The following TMPO variants were observed in gnomAD, a reference collection of about 807,000 sequenced individuals.
TMPO encodes thymopoietin, also known as LEM domain containing 4.
A neutral mutation model predicts 45.4 loss-of-function variants in TMPO; 22 were observed. The ratio of observed to expected loss-of-function variants is 0.48; its 90% CI spans 0.35 to 0.69. The LOEUF is 0.69. Ranked by LOEUF, TMPO falls within the 30% of genes least tolerant of loss-of-function variation. The probability of loss-of-function intolerance (pLI) is 0.01; values close to 1 mark genes in which losing one functional copy is unlikely to be tolerated. For synonymous variants in TMPO, 241 were observed against 204.1 expected (o/e 1.18, Z -1.54); for missense variants, 512 against 548.8 (o/e 0.93, Z 0.67).
chr12:98,540,347 G>C (rs1877838613), intron 4 of TMPO, among the ~76,000 whole-genome samples: 1 of 152,174 alleles, frequency 6.6e-6, no homozygotes, highest in South Asian at 2.1e-4. Flanking sequence ...TAGTGAGGCT[G>C]AGAAACTCTG....
rs767997382 is a variant in TMPO, at chr12:98,533,007, C to G, written c.565+1169C>G. 1.4e-5 allele frequency: 22 copies of G among 1,613,830 alleles called. No individual in the cohort carries two copies. Among genetic ancestry groups the G allele is most frequent in the Non-Finnish European group, 1.8e-5 (21 of 1,179,922 alleles). On this transcript the variant is annotated intron_variant, in intron 3 of 8. Transcript: ENST00000556029. The stretch of plus-strand genomic sequence containing the variant: ...AGAAAGTACATACTTCTAAGGGAGA[C>G]CTACCTAGGGAGCCTCTTGTTGCCA...
chr12:98,548,017 A>C lies in TMPO; in HGVS notation c.*159A>C, dbSNP rs1878330288. 7.4e-6 allele frequency: 6 copies of C among 807,154 alleles called. No homozygotes were observed. Among genetic ancestry groups the C allele is most frequent in the Non-Finnish European group, 1.1e-5 (6 of 527,990 alleles). The allele number at this position is 807,154 out of a possible 1,614,324, so 50.0% of individuals were successfully genotyped here. ...AAGCAAACAAAATATATATAAATGG[A>C]CTTCATTAAAATGTTTTTGAACTTT... On this transcript the variant is annotated 3_prime_UTR_variant, in exon 9 of 9. Coordinates refer to ENST00000556029, the MANE Select transcript of TMPO (RefSeq NM_001032283.3).
chr12:98,534,375 C>G (rs1452382431), intron 3 of TMPO: 2 of 1,606,374 alleles, frequency 1.2e-6, no homozygotes, highest in Admixed American at 3.3e-5. Flanking sequence ...TCTATCTTAT[C>G]TTTCAGGTAC....
At position 98,515,616 on chromosome 12, in the gene TMPO, T is replaced by G; in HGVS notation, c.-252T>G. Reference sequence around the variant, plus strand: ...AAGCAGGCTGCTCGCCTCCTGCCTGTAGTGTGTGGGCTGGGGTTGGTGCGA... The same window carrying G: ...AAGCAGGCTGCTCGCCTCCTGCCTGGAGTGTGTGGGCTGGGGTTGGTGCGA... On this transcript the variant is annotated 5_prime_UTR_variant, in exon 1 of 9. Transcript: ENST00000556029. 2 of 635,564 alleles carry G rather than the reference T, an allele frequency of 3.1e-6. No homozygotes were observed. Among genetic ancestry groups the G allele is most frequent in the East Asian group, 2.9e-5 (1 of 34,104 alleles). The allele number at this position is 635,564 out of a possible 1,614,324, so 39.4% of individuals were successfully genotyped here. A position where few individuals can be genotyped will look rare whatever the true frequency, so the allele number is the denominator to read the frequency against.
In TMPO at chr12:98,535,509, A is replaced by G. The variant is rs1427850765; in HGVS notation, c.566-1966A>G. 5.1e-6 allele frequency: 5 copies of G among 985,182 alleles called. No homozygotes were observed. The African/African-American group carries it at 8.7e-5, about 17-fold the overall frequency. The allele number at this position is 985,182 out of a possible 1,614,324, so 61.0% of individuals were successfully genotyped here. ...CCATCTTTGCAGCTTTCTGAGAGTAATTTTATTTGTTGTCTTCTGAAATGT... is the reference window on the plus strand; with the variant it reads ...CCATCTTTGCAGCTTTCTGAGAGTAGTTTTATTTGTTGTCTTCTGAAATGT... On this transcript the variant is annotated intron_variant, in intron 3 of 8. Transcript: ENST00000556029.
chr12:98,526,412 C>T (rs1876762695), intron 1 of TMPO, among the ~76,000 whole-genome samples: 1 of 152,228 alleles, frequency 6.6e-6, no homozygotes, highest in Non-Finnish European at 1.5e-5. Context: ...GTAACCTACA[C>T]ACATCCTCCC....
At position 98,548,679 on chromosome 12, in the gene TMPO, A is replaced by G. The variant is rs1878362314; in HGVS notation, c.*821A>G. The G allele has an allele frequency of 6.6e-6, 1 of 152,238 alleles. No individual in the cohort carries two copies. The highest frequency in any genetic ancestry group is 2.1e-4 in the South Asian group (1 of 4,830). The allele number at this position is 152,238 out of a possible 1,614,324, so 9.4% of individuals were successfully genotyped here. On this transcript the variant is annotated 3_prime_UTR_variant, in exon 9 of 9. Coordinates refer to ENST00000556029, the MANE Select transcript of TMPO (RefSeq NM_001032283.3). ...AGTTTGCTACCAAAATATGTTTTAG[A>G]TAAGTGTGTGTATGTTTGTTTAGAA...
intron 3 of TMPO, 81 bp from the exon 4 acceptor site, chr12:98,537,394 G>C (rs1056779913): frequency 1.1e-5 from 13 of 1,204,118 alleles, no homozygotes; most frequent in Non-Finnish European, 1.4e-5. Context: ...CCTAAAACCA[G>C]GGTTCCCGAT....
intron 1 of TMPO, among the ~76,000 whole-genome samples, chr12:98,524,250 G>A (rs1565806304): frequency 6.6e-6 from 1 of 152,200 alleles, no homozygotes; most frequent in African/African-American, 2.4e-5. Context: ...TCAGAAATGG[G>A]TAAGACCTTT....
chr12:98,542,064 T>C (rs900524535), intron 4 of TMPO, among the ~76,000 whole-genome samples: 2 of 152,254 alleles, frequency 1.3e-5, no homozygotes, highest in African/African-American at 4.8e-5. Context: ...TTTTCAGCTG[T>C]ATGTTGCTAT....
At position 98,548,263 on chromosome 12, in the gene TMPO, C is replaced by G. The variant is rs894841617; in HGVS notation, c.*405C>G. On this transcript the variant is annotated 3_prime_UTR_variant, in exon 9 of 9. Transcript: ENST00000556029. Reference sequence around the variant, plus strand: ...TACAGAAAAGATTTTAAGAATTATTCTCTGCTGAATAAAAACTGCAAATAT... The same window carrying G: ...TACAGAAAAGATTTTAAGAATTATTGTCTGCTGAATAAAAACTGCAAATAT... The G allele has an allele frequency of 2.5e-5, 4 of 161,622 alleles. No individual in the cohort carries two copies. The highest frequency in any genetic ancestry group is 9.6e-5 in the African/African-American group (4 of 41,480). 10.0% of individuals were successfully genotyped at this position (161,622 alleles called of 1,614,324 possible).
rs1462361337 is a variant in TMPO at position 98,516,057 on chromosome 12, G to A, written c.190G>A (p.Asp64Asn). ...PAGTNSKGPP[D>N]FSSDEEREPT... ...CGGCACCAACAGCAAGGGGCCCCCGGACTTCTCCAGTGACGAAGAGCGCGA... is the reference window on the plus strand; with the variant it reads ...CGGCACCAACAGCAAGGGGCCCCCGAACTTCTCCAGTGACGAAGAGCGCGA... The change falls in exon 1 of 9, where the codon GAC becomes AAC. Residue 64 changes from aspartate (D) to asparagine (N), a missense_variant. Transcript: ENST00000556029. 6.2e-7 allele frequency: 1 copy of A among 1,610,086 alleles called. No individual in the cohort carries two copies. The highest frequency in any genetic ancestry group is 8.5e-7 in the Non-Finnish European group (1 of 1,179,322).
intron 2 of TMPO, among the ~76,000 whole-genome samples, chr12:98,529,477 C>T (rs1877029144): frequency 6.6e-6 from 1 of 152,082 alleles, no homozygotes; most frequent in African/African-American, 2.4e-5. Flanking sequence ...CGTTGGATTA[C>T]TTTTAGGTGA....
At chr12:98,544,889 C>A in intron 6 of TMPO, 62 bp from the exon 7 acceptor site, 2 of 1,278,788 alleles carry the variant, frequency 1.6e-6, no homozygotes, top group Non-Finnish European at 2.3e-6. Flanking sequence ...TCTTTCTTTT[C>A]TTTTTAAGTG....
At position 98,523,867 on chromosome 12, in the gene TMPO, G is replaced by A. The variant is rs187678623; in HGVS notation, c.280-4019G>A. Among the ~76,000 whole-genome samples, 775 of 152,100 alleles carry A rather than the reference G, an allele frequency of 5.1e-3. 2 individuals carry two copies. Among genetic ancestry groups the A allele is most frequent in the Non-Finnish European group, 7.3e-3 (499 of 67,998 alleles). The stretch of plus-strand genomic sequence containing the variant: ...ATTTTTGTATTTTTAGTAGAGATGG[G>A]GTTTCACCGTGTTGGCCAGGCTGGT... On this transcript the variant is annotated intron_variant, in intron 1 of 8. Coordinates refer to ENST00000556029, the MANE Select transcript of TMPO (RefSeq NM_001032283.3).
At position 98,534,366 on chromosome 12, in the gene TMPO, C is replaced by T. The variant is rs1565812468; in HGVS notation, c.565+2528C>T. On this transcript the variant is annotated intron_variant, in intron 3 of 8. Transcript: ENST00000556029. ...AGTAAAATTAAGGACAAAAAGACAT[C>T]TATCTTATCTTTCAGGTACTTTATG... is the stretch of plus-strand genomic sequence containing the variant. The T allele has an allele frequency of 4.4e-6, 7 of 1,608,710 alleles. No homozygotes were observed. In the South Asian group the frequency reaches 7.7e-5, roughly 18 times the overall value.
chr12:98,516,510 T>C, intron 1 of TMPO: 1 of 1,066,662 alleles, frequency 9.4e-7, no homozygotes, highest in Non-Finnish European at 1.1e-6. Context: ...GGCCCCAAAA[T>C]GCTATAGGTT....
chr12:98,547,110 C>G (rs2121260431), intron 8 of TMPO, among the ~76,000 whole-genome samples: 1 of 144,122 alleles, frequency 6.9e-6, no homozygotes, highest in East Asian at 2.0e-4. Context: ...GAGTTTTGCT[C>G]TGTTGCCCAG....
At chr12:98,519,031 G>A (rs903928375) in intron 1 of TMPO, among the ~76,000 whole-genome samples, 28 of 145,508 alleles carry the variant, frequency 1.9e-4, no homozygotes, top group African/African-American at 6.7e-4. Flanking sequence ...ACAGGCGCCC[G>A]CCACCACCCC....
Sources: gnomAD v4.1 joint callset for allele counts (sites outside exome capture counted in the v4.1 genomes callset) on GRCh38, gnomAD v4.1.1 for gene constraint, MANE v1.5 for transcripts, NCBI Gene and HGNC (gene_info 2026-07-23, HGNC 2026-07-21) for gene names.